Variants in GNAZ observed in about 807,000 individuals in gnomAD.
GNAZ encodes guanine nucleotide-binding protein G(z) subunit alpha.
Under a neutral mutation model 25.4 loss-of-function variants are expected in GNAZ, and 3 were observed. The observed-to-expected ratio is 0.12, with a 90% CI of 0.05 to 0.30. The LOEUF is 0.30. GNAZ is among the 10% of genes least tolerant of loss of function. The probability of loss-of-function intolerance (pLI) is 1.00; values close to 1 mark genes in which losing one functional copy is unlikely to be tolerated. For missense variants in GNAZ, 241 were observed against 501.8 expected (o/e 0.48, Z 4.97); for synonymous variants, 211 against 205.7 (o/e 1.03, Z -0.22).
chr22:23,119,396 T>G (rs1221195485), intron 2 of GNAZ, among the ~76,000 whole-genome samples: 1 of 152,244 alleles, frequency 6.6e-6, no homozygotes, highest in Non-Finnish European at 1.5e-5. Flanking sequence ...GTCAGGGTCC[T>G]GACTTTGTAA....
chr22:23,083,776 T>G (rs2146280649), intron 1 of GNAZ, among the ~76,000 whole-genome samples: 1 of 152,262 alleles, frequency 6.6e-6, no homozygotes, highest in African/African-American at 2.4e-5. Context: ...CCAGGGGAAG[T>G]CCAGTCCCAC....
At position 23,096,366 on chromosome 22, in the gene GNAZ, T is replaced by A. The variant is rs1309128778; in HGVS notation, c.671T>A (p.Phe224Tyr). Residue 224 changes from phenylalanine (F) to tyrosine (Y), a missense_variant, in exon 2 of 3, where the codon TTC becomes TAC. Physicochemically the swap from Phe to Tyr is conservative, Grantham distance 22. Coordinates refer to ENST00000615612, the MANE Select transcript of GNAZ (RefSeq NM_002073.4). ...TTCGAGGGCGTCACAGCCATCATCTTCTGTGTGGAGCTCAGCGGCTACGAC... is the reference window on the plus strand; with the variant it reads ...TTCGAGGGCGTCACAGCCATCATCTACTGTGTGGAGCTCAGCGGCTACGAC... ...HCFEGVTAIIFCVELSGYDLK... is the reference protein window; with the variant it reads ...HCFEGVTAIIYCVELSGYDLK... 1 of 1,613,328 alleles carries A rather than the reference T, an allele frequency of 6.2e-7. No homozygotes were observed. The highest frequency in any genetic ancestry group is 1.1e-5 in the South Asian group (1 of 91,076).
intron 1 of GNAZ, among the ~76,000 whole-genome samples, chr22:23,076,446 C>T (rs2068509553): frequency 6.6e-6 from 1 of 152,202 alleles, no homozygotes; most frequent in African/African-American, 2.4e-5. Context: ...AGAACCCCTG[C>T]TCCAGCTCAA....
At chr22:23,086,981 C>A (rs950374145) in intron 1 of GNAZ, among the ~76,000 whole-genome samples, 1 of 152,220 alleles carries the variant, frequency 6.6e-6, no homozygotes, top group African/African-American at 2.4e-5. Flanking sequence ...CAGCTGGAAG[C>A]ACATGCGGCT....
chr22:23,114,930 C>A, intron 2 of GNAZ, among the ~76,000 whole-genome samples: 1 of 152,214 alleles, frequency 6.6e-6, no homozygotes, highest in Non-Finnish European at 1.5e-5. Flanking sequence ...GCAGTGGGGA[C>A]TGCCATGAAG....
intron 2 of GNAZ, among the ~76,000 whole-genome samples, chr22:23,104,068 G>T (rs1266435811): frequency 6.6e-6 from 1 of 152,018 alleles, no homozygotes; most frequent in Non-Finnish European, 1.5e-5. Context: ...CGTGGGGGTG[G>T]TGATCTGATC....
intron 2 of GNAZ, among the ~76,000 whole-genome samples, chr22:23,116,424 G>A (rs979155698): frequency 6.6e-6 from 1 of 152,252 alleles, no homozygotes. Flanking sequence ...AGTGCAGGAG[G>A]GAGAGCGCTT....
chr22:23,106,585 A>C (rs1192184184), intron 2 of GNAZ, among the ~76,000 whole-genome samples: 1 of 152,088 alleles, frequency 6.6e-6, no homozygotes, highest in Non-Finnish European at 1.5e-5. Flanking sequence ...TCCCCTGGCT[A>C]GTGAGGAGGT....
intron 1 of GNAZ, among the ~76,000 whole-genome samples, chr22:23,078,950 C>T (rs1027990400): frequency 1.3e-5 from 2 of 152,170 alleles, no homozygotes; most frequent in Admixed American, 6.5e-5. Context: ...GGGAAGGCCA[C>T]GGGCCTTTCC....
chr22:23,102,287 C>A (rs1013834326), intron 2 of GNAZ, among the ~76,000 whole-genome samples: 1 of 152,222 alleles, frequency 6.6e-6, no homozygotes, highest in African/African-American at 2.4e-5. Context: ...GATGCTGGCT[C>A]AAGCCCAAGA....
intron 2 of GNAZ, among the ~76,000 whole-genome samples, chr22:23,112,671 T>A (rs1412723853): frequency 6.6e-6 from 1 of 151,536 alleles, no homozygotes; most frequent in African/African-American, 2.4e-5. Flanking sequence ...ACCAGCGGGG[T>A]GGGAATGGCA....
At chr22:23,118,244 T>G (rs2146387277) in intron 2 of GNAZ, among the ~76,000 whole-genome samples, 1 of 152,274 alleles carries the variant, frequency 6.6e-6, no homozygotes, top group Admixed American at 6.5e-5. Flanking sequence ...ACAAATCACC[T>G]CACCATTCCC....
chr22:23,092,560 A>G (rs1449686720), intron 1 of GNAZ, among the ~76,000 whole-genome samples: 4 of 152,156 alleles, frequency 2.6e-5, no homozygotes, highest in Non-Finnish European at 5.9e-5. Flanking sequence ...GCCCTGATGC[A>G]TGTGATTGCT....
rs1283693832 is a variant in GNAZ at position 23,111,584 on chromosome 22, G to C, written c.724-11503G>C. ...TCCAGGGTCCCCCAAGGTCACTTTAGTAGAACCCAGTGACCATCTTGGACA... is the reference window on the plus strand; with the variant it reads ...TCCAGGGTCCCCCAAGGTCACTTTACTAGAACCCAGTGACCATCTTGGACA... On this transcript the variant is annotated intron_variant, in intron 2 of 2. Coordinates refer to ENST00000615612, the MANE Select transcript of GNAZ (RefSeq NM_002073.4). Among the ~76,000 whole-genome samples the C allele has an allele frequency of 4.6e-5, 7 of 152,358 alleles. No homozygotes were observed. The East Asian group carries it at 1.4e-3, about 29-fold the overall frequency.
At chr22:23,108,922 A>G (rs1376660707) in intron 2 of GNAZ, among the ~76,000 whole-genome samples, 2 of 152,232 alleles carry the variant, frequency 1.3e-5, no homozygotes, top group Non-Finnish European at 2.9e-5. Flanking sequence ...CATGCTGTGC[A>G]TGCTACAGGA....
intron 1 of GNAZ, among the ~76,000 whole-genome samples, chr22:23,090,186 G>A (rs1438659749): frequency 6.6e-6 from 1 of 152,022 alleles, no homozygotes; most frequent in African/African-American, 2.4e-5. Context: ...ACAGCTGACA[G>A]TCCCCCTTTC....
chr22:23,074,859 T>C (rs2068472586), intron 1 of GNAZ, among the ~76,000 whole-genome samples: 1 of 152,052 alleles, frequency 6.6e-6, no homozygotes, highest in South Asian at 2.1e-4. Context: ...CACATGATTT[T>C]GGGGGCCCCC....
chr22:23,108,123 G>A (rs1227320125), intron 2 of GNAZ, among the ~76,000 whole-genome samples: 1 of 152,336 alleles, frequency 6.6e-6, no homozygotes, highest in Admixed American at 6.5e-5. Flanking sequence ...GGTGGGGCCA[G>A]GGGCACACAG....
rs574541604 is a variant in GNAZ at position 23,095,975 on chromosome 22, G to A, written c.280G>A (p.Asp94Asn). The A allele has an allele frequency of 1.4e-5, 22 of 1,611,034 alleles. No homozygotes were observed. The highest frequency in any genetic ancestry group is 7.7e-5 in the South Asian group (7 of 91,080). The change falls in exon 2 of 3, where the codon GAC becomes AAC. Residue 94 changes from aspartate (D) to asparagine (N), a missense_variant. Transcript: ENST00000615612. Reference sequence around the variant, plus strand: ...CCGGGCCCTGGCCGCCCTCAGGATCGACTTCCACAACCCCGACCGCGCCTA... The same window carrying A: ...CCGGGCCCTGGCCGCCCTCAGGATCAACTTCCACAACCCCGACCGCGCCTA... ...IIRALAALRI[D>N]FHNPDRAYDA...
Sources: gnomAD v4.1 joint callset for allele counts (sites outside exome capture counted in the v4.1 genomes callset) on GRCh38, gnomAD v4.1.1 for gene constraint, MANE v1.5 for transcripts, NCBI Gene and HGNC (gene_info 2026-07-23, HGNC 2026-07-21) for gene names.